Variants in RELN observed in about 807,000 individuals in gnomAD.
RELN encodes reelin.
Under a neutral mutation model 427.6 loss-of-function variants are expected in RELN, and 108 were observed. The ratio of observed to expected loss-of-function variants is 0.25; its 90% confidence interval spans 0.22 to 0.30. The LOEUF (loss-of-function observed/expected upper bound fraction) is 0.30. Ranked by LOEUF, RELN falls within the 10% of genes least tolerant of loss-of-function variation. The probability of loss-of-function intolerance (pLI) is 1.00; values close to 1 mark genes in which losing one functional copy is unlikely to be tolerated. For missense variants in RELN, 3,715 were observed against 4,302.8 expected, an observed-to-expected ratio of 0.86 and a Z score of 3.82; for synonymous variants, 1,524 against 1,513.4, an observed-to-expected ratio of 1.01 and a Z score of -0.16.
chr7:103,599,961 A>G (rs1831626510), intron 24 of RELN, among the ~76,000 whole-genome samples: 1 of 152,194 alleles, frequency 6.6e-6, no homozygotes, highest in Non-Finnish European at 1.5e-5. Context: ...TAATGGTGTG[A>G]TCACAGCTCA....
intron 1 of RELN, among the ~76,000 whole-genome samples, chr7:103,948,999 G>A (rs1343662294): frequency 7.2e-6 from 1 of 138,874 alleles, no homozygotes; most frequent in Non-Finnish European, 1.5e-5. Context: ...TCCAGCCTGG[G>A]TGATGGAATG....
intron 37 of RELN, 73 bp downstream of exon 37, chr7:103,557,892 C>T (rs543194098): frequency 1.7e-4 from 127 of 767,996 alleles, no homozygotes; most frequent in African/African-American, 1.5e-3. Context: ...GCCTTAAATC[C>T]GTGATTTCTT....
intron 1 of RELN, among the ~76,000 whole-genome samples, chr7:103,927,862 G>GTGA (rs1460976091): frequency 6.6e-6 from 1 of 152,158 alleles, no homozygotes; most frequent in Non-Finnish European, 1.5e-5. Flanking sequence ...AAAAAGTTAA[G>GTGA]TGATTAGTTA....
chr7:103,503,712 G>A (rs1254374099), intron 51 of RELN, among the ~76,000 whole-genome samples: 2 of 152,140 alleles, frequency 1.3e-5, no homozygotes, highest in Admixed American at 6.5e-5. Flanking sequence ...AGCACCCTTC[G>A]TTGATGGTGA....
chr7:103,553,625 A>G lies in RELN; in HGVS notation c.5969+35T>C, dbSNP rs1157297219. On this transcript the variant is annotated intron_variant, in intron 39 of 64. Coordinates refer to ENST00000428762, the MANE Select transcript of RELN (RefSeq NM_005045.4). Reference sequence around the variant, plus strand: ...CAAAAGTTCATCATGATTTGTATACAGCAGTGGTTTTATTTTTAGATTCTT... The same window carrying G: ...CAAAAGTTCATCATGATTTGTATACGGCAGTGGTTTTATTTTTAGATTCTT... 6.2e-6 allele frequency: 10 copies of G among 1,612,914 alleles called. No individual in the cohort carries two copies. In the East Asian group the frequency reaches 2.2e-4, roughly 36 times the overall value.
At chr7:103,690,986 T>C (rs1282668958) in intron 10 of RELN, among the ~76,000 whole-genome samples, 3 of 152,098 alleles carry the variant, frequency 2.0e-5, no homozygotes, top group East Asian at 3.9e-4. Context: ...ACATAAAGAA[T>C]AGATTAATTC....
chr7:103,876,454 A>G (rs542234550), intron 2 of RELN, among the ~76,000 whole-genome samples: 2 of 152,262 alleles, frequency 1.3e-5, no homozygotes, highest in African/African-American at 2.4e-5. Context: ...TTATTGGTCT[A>G]TGCACTTTTG....
At chr7:103,783,876 G>A (rs551291278) in intron 3 of RELN, among the ~76,000 whole-genome samples, 30 of 152,264 alleles carry the variant, frequency 2.0e-4, no homozygotes, top group South Asian at 2.1e-4. Context: ...AGTATGAACT[G>A]TTTTACTTAA....
chr7:103,494,393 G>GTGTGTGTGTGTGTGTGTGT (rs60783765), intron 57 of RELN, among the ~76,000 whole-genome samples: 6 of 150,870 alleles, frequency 4.0e-5, no homozygotes, highest in South Asian at 2.1e-4. Flanking sequence ...GTGTGTGTGT[G>GTGTGTGTGTGTGTGTGTGT]GGATATGGTC....
In RELN at chr7:103,603,563, A is replaced by G; in HGVS notation, c.3147-73T>C. The G allele has an allele frequency of 8.9e-7, 1 of 1,118,334 alleles. No homozygotes were observed. Among genetic ancestry groups the G allele is most frequent in the Non-Finnish European group, 1.4e-6 (1 of 729,806 alleles). 69.3% of individuals were successfully genotyped at this position (1,118,334 alleles called of 1,614,324 possible). A position where few individuals can be genotyped will look rare whatever the true frequency, so the allele number is the denominator to read the frequency against. Reference sequence around the variant, plus strand: ...ATGCAATGGCCCTCTGACCTCAACCATTTCCCATGTCTTACTTTTGCTCAG... The same window carrying G: ...ATGCAATGGCCCTCTGACCTCAACCGTTTCCCATGTCTTACTTTTGCTCAG... On this transcript the variant is annotated intron_variant, in intron 23 of 64. Transcript: ENST00000428762. This position sits in a 1 kb window ranked among gnomAD's most constrained non-coding sequence, Gnocchi z 4.3.
chr7:103,985,063 A>C (rs1797068576), intron 1 of RELN, among the ~76,000 whole-genome samples: 2 of 152,210 alleles, frequency 1.3e-5, no homozygotes, highest in African/African-American at 4.8e-5. Context: ...AAGTGCCCTC[A>C]ATACTCTATC....
rs200516510 is a variant in RELN, at chr7:103,882,468, A to AT, written c.337+34606dup. Among the ~76,000 whole-genome samples, 601 of 151,930 alleles carry AT rather than the reference A, an allele frequency of 4.0e-3. 23 individuals are homozygous for AT. The East Asian group carries it at 0.072, about 18-fold the overall frequency. ...AATTTGGGTCCGTAAATTTTTTTTT[A>AT]TTTTTTGTATTTATCCTGTCCTTTA... On this transcript the variant is annotated intron_variant, in intron 2 of 64. Transcript: ENST00000428762.
At chr7:103,558,332 A>G (rs1830569561) in intron 36 of RELN, among the ~76,000 whole-genome samples, 1 of 152,184 alleles carries the variant, frequency 6.6e-6, no homozygotes, top group Non-Finnish European at 1.5e-5. Context: ...AGCATTACAT[A>G]TCTACAGGCC....
At position 103,565,363 on chromosome 7, in the gene RELN, G is replaced by A; in HGVS notation, c.5125C>T (p.Leu1709=). 3 of 1,614,096 alleles carry A rather than the reference G, an allele frequency of 1.9e-6. No homozygotes were observed. The highest frequency in any genetic ancestry group is 2.5e-6 in the Non-Finnish European group (3 of 1,179,986). ...EECVPPTIGC[L]HYTESSIYTS... is the part of the protein sequence containing the mutation. ...TAAATTGAACTTTCCGTGTAATGCAGACAGCCAATGGTTGGAGGAACACAC... is the reference window on the plus strand; with the variant it reads ...TAAATTGAACTTTCCGTGTAATGCAAACAGCCAATGGTTGGAGGAACACAC... The change falls in exon 34 of 65, where the codon CTG becomes TTG. Residue 1709 remains leucine, a synonymous_variant. Coordinates refer to ENST00000428762, the MANE Select transcript of RELN (RefSeq NM_005045.4).
chr7:103,729,561 T>C (rs1254956113), intron 6 of RELN, among the ~76,000 whole-genome samples: 1 of 152,190 alleles, frequency 6.6e-6, no homozygotes. Context: ...TTTGAAATGT[T>C]AGTATCTCAT....
intron 2 of RELN, among the ~76,000 whole-genome samples, chr7:103,834,455 T>C (rs946819318): frequency 6.6e-6 from 1 of 152,212 alleles, no homozygotes; most frequent in African/African-American, 2.4e-5. Flanking sequence ...TTCTGTGACT[T>C]GCTCATGTTC....
chr7:103,862,559 A>G (rs1054946588), intron 2 of RELN, among the ~76,000 whole-genome samples: 1 of 150,318 alleles, frequency 6.7e-6, no homozygotes, highest in Admixed American at 6.6e-5. Flanking sequence ...TCTTTATCTT[A>G]TTTTTTCCCC....
intron 8 of RELN, among the ~76,000 whole-genome samples, chr7:103,716,728 C>T (rs1789947909): frequency 6.6e-6 from 1 of 152,084 alleles, no homozygotes; most frequent in African/African-American, 2.4e-5. Flanking sequence ...AGTTCCTTAG[C>T]CCTCAAGGAA....
intron 2 of RELN, among the ~76,000 whole-genome samples, chr7:103,848,459 C>G (rs1354508802): frequency 6.6e-6 from 1 of 152,142 alleles, no homozygotes; most frequent in Non-Finnish European, 1.5e-5. Flanking sequence ...TCCACCCCAC[C>G]ATGGGACAGG....
Sources: allele counts gnomAD v4.1 joint callset (sites outside exome capture counted in the v4.1 genomes callset), GRCh38; gene constraint gnomAD v4.1.1; non-coding constraint Gnocchi (gnomAD v3.1); transcripts MANE v1.5; gene names NCBI Gene and HGNC (gene_info 2026-07-23, HGNC 2026-07-21).